FREM1: variants seen among roughly 807,000 people sequenced by gnomAD.
FREM1 encodes the protein FRAS1 related extracellular matrix 1, also known as FRAS1-related extracellular matrix protein 1.
FREM1 carries 220 observed loss-of-function variants against 210.1 expected under a neutral mutation model. The observed-to-expected ratio is 1.05, with a 90% CI of 0.94 to 1.17. FREM1 has a LOEUF of 1.17. Among genes scored for constraint, FREM1 ranks in the 50% most tolerant of loss-of-function variants. The pLI is 0.00. For missense variants in FREM1, 3,454 were observed against 2,675.5 expected (o/e 1.29, Z -6.42); for synonymous variants, 1,189 against 980.2 (o/e 1.21, Z -3.98).
intron 10 of FREM1, among the ~76,000 whole-genome samples, chr9:14,839,663 A>G (rs1825286566): frequency 6.6e-6 from 1 of 152,228 alleles, no homozygotes; most frequent in Admixed American, 6.5e-5. Flanking sequence ...TAAAGTTTTC[A>G]TTACAGAGAA....
At chr9:14,787,199 G>A (rs550342774) in intron 23 of FREM1, among the ~76,000 whole-genome samples, 2 of 152,092 alleles carry the variant, frequency 1.3e-5, no homozygotes, top group Admixed American at 1.3e-4. Flanking sequence ...GTATAGTCTT[G>A]TTTAGAGATA....
intron 1 of FREM1, among the ~76,000 whole-genome samples, chr9:14,874,972 C>A (rs1259040343): frequency 1.3e-5 from 2 of 152,168 alleles, no homozygotes; most frequent in South Asian, 2.1e-4. Flanking sequence ...AAATTCTTTT[C>A]TTTAAGAATC....
intron 29 of FREM1, among the ~76,000 whole-genome samples, chr9:14,753,403 A>G (rs1843722941): frequency 6.6e-6 from 1 of 152,252 alleles, no homozygotes; most frequent in South Asian, 2.1e-4. Context: ...TCAATAATGC[A>G]TATTTTAAAG....
At chr9:14,783,928 T>A (rs139294995) in intron 24 of FREM1, among the ~76,000 whole-genome samples, 48 of 152,338 alleles carry the variant, frequency 3.2e-4, no homozygotes, top group African/African-American at 1.0e-3. Context: ...TAAATCCCTT[T>A]TCGTCAGACA....
intron 22 of FREM1, among the ~76,000 whole-genome samples, chr9:14,789,883 C>T (rs1350527692): frequency 6.6e-6 from 1 of 152,082 alleles, no homozygotes; most frequent in Non-Finnish European, 1.5e-5. Context: ...TCTTTATTAT[C>T]TTATTAATAA....
At chr9:14,773,804 T>C (rs968740818) in intron 25 of FREM1, among the ~76,000 whole-genome samples, 2 of 152,140 alleles carry the variant, frequency 1.3e-5, no homozygotes, top group African/African-American at 4.8e-5. Flanking sequence ...CCAATCTCCA[T>C]CCTCTTTTCC....
intron 1 of FREM1, among the ~76,000 whole-genome samples, chr9:14,907,547 G>C (rs1564215771): frequency 6.6e-6 from 1 of 152,204 alleles, no homozygotes; most frequent in Non-Finnish European, 1.5e-5. Context: ...ATTCAGACAA[G>C]ATAAGAGGCT....
intron 21 of FREM1, among the ~76,000 whole-genome samples, chr9:14,794,234 G>T (rs62535352): frequency 0.27 from 41,788 of 152,036 alleles, 6,794 homozygotes; most frequent in Middle Eastern, 0.37. Context: ...AGGAGAGAAA[G>T]GGAAGGAGAA....
At position 14,842,476 on chromosome 9, in the gene FREM1, G is replaced by T. The variant is rs775442549; in HGVS notation, c.1578C>A (p.Thr526=). 8.7e-6 allele frequency: 14 copies of T among 1,614,024 alleles called. No homozygotes were observed. In the Admixed American group the frequency reaches 2.2e-4, roughly 25 times the overall value. Residue 526 remains threonine, a synonymous_variant, in exon 9 of 37, where the codon ACC becomes ACA. Transcript: ENST00000380880. ...CCTCCTCCAGTTCAATCACAACATT[G>T]GTTATGAGGAACGGGGGACTATCAT... ...PKDDSPPFLI[T]NVVIELEEGQ... is the part of the protein sequence containing the mutation.
chr9:14,876,115 G>GGGGGTCA (rs910590706), intron 1 of FREM1, among the ~76,000 whole-genome samples: 2 of 151,252 alleles, frequency 1.3e-5, no homozygotes, highest in Non-Finnish European at 3.0e-5. Context: ...TAGGCTGCTC[G>GGGGGTCA]GGGGTCAGGG....
intron 28 of FREM1, 145 bp from the exon 29 acceptor site, chr9:14,756,591 C>G (rs1430132917): frequency 1.8e-6 from 1 of 556,164 alleles, no homozygotes; most frequent in Non-Finnish European, 3.0e-6. Flanking sequence ...ATTATATAAG[C>G]CATTTGGGAT....
chr9:14,856,912 G>T (rs1329383687), intron 5 of FREM1, among the ~76,000 whole-genome samples: 2 of 151,288 alleles, frequency 1.3e-5, no homozygotes, highest in Non-Finnish European at 2.9e-5. Context: ...ACAAATTATA[G>T]AGTTCATGAA....
At chr9:14,808,891 G>A (rs1431615535) in intron 16 of FREM1, among the ~76,000 whole-genome samples, 2 of 152,200 alleles carry the variant, frequency 1.3e-5, no homozygotes, top group Non-Finnish European at 2.9e-5. Flanking sequence ...GAGTAAGAGT[G>A]CTTGCTATCC....
chr9:14,823,048 CTTTTA>C, intron 13 of FREM1, 107 bp downstream of exon 13: 1 of 751,164 alleles, frequency 1.3e-6, no homozygotes, highest in Admixed American at 3.4e-5. Context: ...ATGGAAATTT[CTTTTA>C]TAAGTTTAAA....
At chr9:14,847,833 A>G (rs896117767) in intron 7 of FREM1, among the ~76,000 whole-genome samples, 30 of 152,144 alleles carry the variant, frequency 2.0e-4, no homozygotes, top group African/African-American at 5.6e-4. Context: ...GCAACATGTG[A>G]TTATTCCTAA....
intron 3 of FREM1, among the ~76,000 whole-genome samples, chr9:14,861,503 C>CTTTTTTTT (rs775845478): frequency 1.7e-5 from 2 of 114,892 alleles, no homozygotes; most frequent in Non-Finnish European, 1.7e-5. Context: ...AGCATTTATC[C>CTTTTTTTT]TTTTTTTTTT....
intron 7 of FREM1, among the ~76,000 whole-genome samples, chr9:14,846,378 G>A (rs1356884224): frequency 3.3e-5 from 5 of 152,154 alleles, no homozygotes; most frequent in African/African-American, 1.2e-4. Flanking sequence ...GGGGAAAGGG[G>A]AGAAAGAGCA....
intron 1 of FREM1, among the ~76,000 whole-genome samples, chr9:14,880,143 G>A (rs1834529711): frequency 6.6e-6 from 1 of 152,172 alleles, no homozygotes; most frequent in Admixed American, 6.5e-5. Flanking sequence ...GTTTCCCTCT[G>A]CAAACCAGGA....
intron 12 of FREM1, among the ~76,000 whole-genome samples, chr9:14,823,605 T>C (rs1346217162): frequency 6.7e-6 from 1 of 150,192 alleles, no homozygotes; most frequent in Non-Finnish European, 1.5e-5. Context: ...CCTCCAGGAC[T>C]ATGAGAAAAT....
Sources: allele counts gnomAD v4.1 joint callset (sites outside exome capture counted in the v4.1 genomes callset), GRCh38; gene constraint gnomAD v4.1.1; transcripts MANE v1.5; gene names NCBI Gene and HGNC (gene_info 2026-07-23, HGNC 2026-07-21).